MYLK: variants seen among roughly 807,000 people sequenced by gnomAD.
MYLK encodes myosin light chain kinase, also known as myosin light chain kinase, smooth muscle.
MYLK carries 106 observed loss-of-function variants against 203.4 expected under a neutral mutation model. The ratio of observed to expected loss-of-function variants is 0.52; its 90% CI spans 0.45 to 0.61. MYLK has a LOEUF of 0.61. Ranked by LOEUF, MYLK falls within the 20% of genes least tolerant of loss-of-function variation. The pLI, the probability that MYLK is intolerant of heterozygous loss-of-function variation, is 0.00. For missense variants in MYLK, 2,072 were observed against 2,442.3 expected, an observed-to-expected ratio of 0.85 and a Z score of 3.20; for synonymous variants, 867 against 959.5, an observed-to-expected ratio of 0.90 and a Z score of 1.78.
At chr3:123,880,850 G>A (rs1290085421) in intron 1 of MYLK, among the ~76,000 whole-genome samples, 2 of 152,130 alleles carry the variant, frequency 1.3e-5, no homozygotes, top group African/African-American at 4.8e-5. Flanking sequence ...TGACTGGGCT[G>A]GCTGTCAGTA....
At chr3:123,692,519 T>G (rs1576579371) in intron 19 of MYLK, 1 of 805,854 alleles carries the variant, frequency 1.2e-6, no homozygotes, top group Non-Finnish European at 1.9e-6. Context: ...AGGGGAGGGG[T>G]GAAGCCATGT....
rs2062720328 is a variant in MYLK at position 123,737,557 on chromosome 3, T to C, written c.589-14A>G. On this transcript the variant is annotated splice_polypyrimidine_tract_variant and intron_variant, in intron 7 of 33. Transcript: ENST00000360304. Reference sequence around the variant, plus strand: ...TGGAACATTTCCCTGTGGATGGCAATGGGGTAACTTGGTCATACAAATCTG... The same window carrying C: ...TGGAACATTTCCCTGTGGATGGCAACGGGGTAACTTGGTCATACAAATCTG... 6.2e-7 allele frequency: 1 copy of C among 1,613,938 alleles called. No individual in the cohort carries two copies. Among genetic ancestry groups the C allele is most frequent in the Non-Finnish European group, 8.5e-7 (1 of 1,180,016 alleles).
At chr3:123,835,711 C>T (rs2066459923) in intron 2 of MYLK, among the ~76,000 whole-genome samples, 3 of 152,280 alleles carry the variant, frequency 2.0e-5, no homozygotes. Flanking sequence ...CACTCATTCT[C>T]CTCCAAGGAC....
In MYLK at chr3:123,648,761, G is replaced by T. The variant is rs112637594; in HGVS notation, c.4415+210C>A. On this transcript the variant is annotated intron_variant, in intron 26 of 33. Coordinates refer to ENST00000360304, the MANE Select transcript of MYLK (RefSeq NM_053025.4). The surrounding 1 kb of genome is among the most constrained non-coding windows in gnomAD (Gnocchi z 4.5). ...TGCCCACAGCCTTTGCAGAGTTGGG[G>T]CAGTGTAGGACCGCATGGGCAACTC... is the stretch of plus-strand genomic sequence containing the variant. Among the ~76,000 whole-genome samples, 1 of 152,128 alleles carries T rather than the reference G, an allele frequency of 6.6e-6. No individual in the cohort carries two copies. Among genetic ancestry groups the T allele is most frequent in the African/African-American group, 2.4e-5 (1 of 41,430 alleles).
chr3:123,684,332 G>A (rs536848521), intron 19 of MYLK, among the ~76,000 whole-genome samples: 7 of 152,296 alleles, frequency 4.6e-5, no homozygotes, highest in Non-Finnish European at 7.4e-5. Flanking sequence ...CAGGGAGTGC[G>A]CAGGGAGTGG....
At position 123,700,427 on chromosome 3, in the gene MYLK, A is replaced by G; in HGVS notation, c.3041T>C (p.Leu1014Pro). The G allele has an allele frequency of 6.2e-7, 1 of 1,612,140 alleles. No homozygotes were observed. The highest frequency in any genetic ancestry group is 8.5e-7 in the Non-Finnish European group (1 of 1,179,212). ...GGGCCCTGAAGGCTGTGCATTGCTC[A>G]GGGGCTTGGAACTCTCCACTGCCTT... ...NAKAVESSKP[L>P]SNAQPSGPLK... Residue 1014 changes from leucine to proline, a missense_variant, in exon 18 of 34, where the codon CTG becomes CCG. Around this residue, in one of 3 missense-constraint regions of MYLK, gnomAD observed 865 missense variants for 1,016.0 expected, o/e 0.85. Coordinates refer to ENST00000360304, the MANE Select transcript of MYLK (RefSeq NM_053025.4).
At chr3:123,715,267 T>C (rs2061852013) in intron 13 of MYLK, among the ~76,000 whole-genome samples, 1 of 152,192 alleles carries the variant, frequency 6.6e-6, no homozygotes. Context: ...AGAGCAGCCA[T>C]GCAGAAAGCC....
intron 24 of MYLK, among the ~76,000 whole-genome samples, chr3:123,653,983 ATGTTGTGTGTGTGTGTG>A (rs2059304039): frequency 2.0e-5 from 2 of 99,604 alleles, no homozygotes; most frequent in African/African-American, 3.1e-5. Flanking sequence ...TTTCAGAGGG[ATGTTGTGTGTGTGTGTG>A]TGTGTGTGTG....
chr3:123,807,342 T>C (rs995225050), intron 3 of MYLK, among the ~76,000 whole-genome samples: 4 of 151,434 alleles, frequency 2.6e-5, no homozygotes, highest in African/African-American at 9.7e-5. Context: ...GGCAGGAGAA[T>C]CTCTTGAACC....
At chr3:123,632,261 C>T (rs1314443373) in intron 29 of MYLK, among the ~76,000 whole-genome samples, 2 of 152,278 alleles carry the variant, frequency 1.3e-5, no homozygotes, top group Admixed American at 6.5e-5. Context: ...CCGACCCCCA[C>T]GTGGCCCATG....
chr3:123,752,011 G>A (rs2063208987), intron 5 of MYLK, among the ~76,000 whole-genome samples: 1 of 152,100 alleles, frequency 6.6e-6, no homozygotes, highest in Non-Finnish European at 1.5e-5. Context: ...CTGAGAGCTA[G>A]GGAGGGGCCA....
At chr3:123,799,414 G>C (rs2065113566) in intron 3 of MYLK, among the ~76,000 whole-genome samples, 1 of 152,142 alleles carries the variant, frequency 6.6e-6, no homozygotes, top group Non-Finnish European at 1.5e-5. Flanking sequence ...TAAAAAATCA[G>C]GGCTCAAGTA....
At chr3:123,635,795 C>G (rs939173303) in intron 29 of MYLK, among the ~76,000 whole-genome samples, 2 of 152,116 alleles carry the variant, frequency 1.3e-5, no homozygotes, top group African/African-American at 4.8e-5. Context: ...CACTGAAACA[C>G]GTGAACCAGA....
At chr3:123,783,758 C>G (rs1278280874) in intron 4 of MYLK, among the ~76,000 whole-genome samples, 1 of 152,224 alleles carries the variant, frequency 6.6e-6, no homozygotes, top group Admixed American at 6.5e-5. Context: ...TACTTCTCAG[C>G]TATAACCCTT....
intron 3 of MYLK, among the ~76,000 whole-genome samples, chr3:123,796,091 G>C (rs1316502460): frequency 6.6e-6 from 1 of 152,146 alleles, no homozygotes; most frequent in East Asian, 1.9e-4. Flanking sequence ...TGAATGGTAA[G>C]ACTCACAGGT....
At chr3:123,704,461 C>G (rs576676101) in intron 16 of MYLK, among the ~76,000 whole-genome samples, 1 of 152,292 alleles carries the variant, frequency 6.6e-6, no homozygotes, top group African/African-American at 2.4e-5. Context: ...GGCTATCATC[C>G]TATAAACTGA....
intron 4 of MYLK, among the ~76,000 whole-genome samples, chr3:123,786,453 C>T (rs971387272): frequency 2.4e-4 from 34 of 138,910 alleles, no homozygotes; most frequent in African/African-American, 8.7e-4. Flanking sequence ...ACAAAAACAC[C>T]GAAAGACATT....
chr3:123,754,328 C>A lies in MYLK; in HGVS notation c.166-1790G>T, dbSNP rs149274785. 3.3e-5 allele frequency among the ~76,000 whole-genome samples: 5 copies of A among 152,328 alleles called. No homozygotes were observed. The East Asian group carries it at 9.6e-4, about 29-fold the overall frequency. On this transcript the variant is annotated intron_variant, in intron 4 of 33. Transcript: ENST00000360304. ...TCACAAGACTGCCTTTCTGTCCCCA[C>A]TAATTTGTGGTCAAGCTTCAGTGAA...
intron 2 of MYLK, among the ~76,000 whole-genome samples, chr3:123,849,061 A>G (rs1045887595): frequency 5.9e-5 from 9 of 152,148 alleles, no homozygotes; most frequent in Non-Finnish European, 8.8e-5. Context: ...CTGTAGCCTC[A>G]GCCTCCCAGA....
Sources: allele counts gnomAD v4.1 joint callset (sites outside exome capture counted in the v4.1 genomes callset), GRCh38; gene constraint gnomAD v4.1.1; regional missense constraint gnomAD v4.1.1; non-coding constraint Gnocchi (gnomAD v3.1); transcripts MANE v1.5; gene names NCBI Gene and HGNC (gene_info 2026-07-23, HGNC 2026-07-21).